Variants in TMEM268 observed in about 807,000 individuals in gnomAD.
TMEM268 encodes the protein transmembrane protein 268.
Under a neutral mutation model 39.1 loss-of-function variants are expected in TMEM268, and 24 were observed. That is an observed-to-expected ratio of 0.61 (90% CI 0.44 to 0.86). TMEM268 has a LOEUF of 0.86. TMEM268 is among the 40% of genes least tolerant of loss of function. The pLI, the probability that TMEM268 is intolerant of heterozygous loss-of-function variation, is 0.00. For synonymous variants in TMEM268, 176 were observed against 173.5 expected, an observed-to-expected ratio of 1.01 and a Z score of -0.12; for missense variants, 409 against 428.6, an observed-to-expected ratio of 0.95 and a Z score of 0.40.
rs1827529125 is a variant in TMEM268 at position 114,645,285 on chromosome 9, T to A, written c.*1972T>A. On this transcript the variant is annotated 3_prime_UTR_variant, in exon 9 of 9. Coordinates refer to ENST00000288502, the MANE Select transcript of TMEM268 (RefSeq NM_153045.4). ...GACTGGCCTACCTAGCAGACCTGGA[T>A]TTTTCTTCCTGATCTGCTGCTTCCA... The A allele has an allele frequency of 6.6e-6, 1 of 152,368 alleles. No individual in the cohort carries two copies. The highest frequency in any genetic ancestry group is 2.1e-4 in the South Asian group (1 of 4,834). 9.4% of individuals were successfully genotyped at this position (152,368 alleles called of 1,614,324 possible). A position where few individuals can be genotyped will look rare whatever the true frequency, so the allele number is the denominator to read the frequency against.
rs137961823 is a variant in TMEM268 at position 114,627,321 on chromosome 9, C to T, written c.324+315C>T. Among the ~76,000 whole-genome samples, 432 of 152,308 alleles carry T rather than the reference C, an allele frequency of 2.8e-3. 3 individuals are homozygous for T. The highest frequency in any genetic ancestry group is 9.8e-3 in the African/African-American group (407 of 41,572). On this transcript the variant is annotated intron_variant, in intron 4 of 8. Coordinates refer to ENST00000288502, the MANE Select transcript of TMEM268 (RefSeq NM_153045.4). ...CCTTGGCCAAGACTTTCCTCCTCTC[C>T]GGAACTTGGTTTCCCCATCTGCTCA...
Position 114,630,279 on chromosome 9 carries a change from T to TCCATCCATCCATCCATCCATCC in TMEM268, c.474+2029_474+2030insCCATCCATCCATCCATCCATCC, listed in dbSNP as rs1554758354. ...ATTTACTGTTCCAACAATATATATC[T>TCCATCCATCCATCCATCCATCC]ATCCATCCATCCATCCATCCATCCA... On this transcript the variant is annotated intron_variant, in intron 5 of 8. Coordinates refer to ENST00000288502, the MANE Select transcript of TMEM268 (RefSeq NM_153045.4). 6.1e-4 allele frequency among the ~76,000 whole-genome samples: 90 copies of TCCATCCATCCATCCATCCATCC among 148,226 alleles called. 1 individual carries two copies. Among genetic ancestry groups the TCCATCCATCCATCCATCCATCC allele is most frequent in the South Asian group, 5.6e-3 (26 of 4,640 alleles).
intron 2 of TMEM268, among the ~76,000 whole-genome samples, chr9:114,623,141 TTTG>T (rs1846016878): frequency 1.3e-5 from 2 of 151,822 alleles, no homozygotes; most frequent in Non-Finnish European, 2.9e-5. Context: ...CAACCACAGA[TTTG>T]TTATTTATTT....
the TMEM268 span, among the ~76,000 whole-genome samples, chr9:114,604,544 C>T: frequency 6.8e-6 from 1 of 146,816 alleles, no homozygotes. Flanking sequence ...CGAGATCGCA[C>T]CACTGCACTC....
chr9:114,622,401 G>C, intron 2 of TMEM268: 1 of 985,352 alleles, frequency 1.0e-6, no homozygotes, highest in South Asian at 4.7e-5. Context: ...CCACCCCCCA[G>C]ACCTCCTGGC....
upstream of TMEM268, among the ~76,000 whole-genome samples, chr9:114,606,875 C>A (rs12345792): frequency 6.7e-6 from 1 of 150,302 alleles, no homozygotes; most frequent in Non-Finnish European, 1.5e-5. Context: ...AAAAAAAAAC[C>A]AAAAAACACC....
intron 8 of TMEM268, among the ~76,000 whole-genome samples, chr9:114,641,303 A>G (rs1037309933): frequency 6.6e-6 from 1 of 152,230 alleles, no homozygotes; most frequent in Non-Finnish European, 1.5e-5. Context: ...AGAGTGGCTG[A>G]GTTGAAACTC....
At chr9:114,632,278 T>A (rs1313399964) in intron 5 of TMEM268, among the ~76,000 whole-genome samples, 1 of 152,112 alleles carries the variant, frequency 6.6e-6, no homozygotes, top group African/African-American at 2.4e-5. Context: ...GGACATGTCT[T>A]TCAGTGGAAG....
chr9:114,609,687 C>CAGAAAAAGAAAAAGAAAAAGAAAA (rs71300692), upstream of TMEM268, among the ~76,000 whole-genome samples: 4 of 100,978 alleles, frequency 4.0e-5, no homozygotes, highest in Admixed American at 1.2e-4. Flanking sequence ...GACCCTGTCT[C>CAGAAAAAGAAAAAGAAAAAGAAAA]AGAAAAAGAA....
At chr9:114,606,873 A>C (rs1349402565), upstream of TMEM268, among the ~76,000 whole-genome samples, 1 of 148,696 alleles carries the variant, frequency 6.7e-6, no homozygotes, top group Non-Finnish European at 1.5e-5. Context: ...AAAAAAAAAA[A>C]CCAAAAAACA....
intron 3 of TMEM268, among the ~76,000 whole-genome samples, chr9:114,626,667 G>A (rs973452486): frequency 2.0e-5 from 3 of 152,220 alleles, no homozygotes; most frequent in African/African-American, 7.2e-5. Flanking sequence ...CCCTGTGTCT[G>A]CTGCAAGGTA....
intron 1 of TMEM268, among the ~76,000 whole-genome samples, chr9:114,612,911 C>T (rs901100338): frequency 6.6e-6 from 1 of 152,226 alleles, no homozygotes; most frequent in African/African-American, 2.4e-5. Flanking sequence ...TAGCACAGGG[C>T]CTGGCCTGAG....
rs35134692 is a variant in TMEM268, at chr9:114,633,840, G to C, written c.547G>C (p.Val183Leu). 735 of 1,606,802 alleles carry C rather than the reference G, an allele frequency of 4.6e-4. 2 individuals are homozygous for C. The African/African-American group carries it at 8.8e-3, about 19-fold the overall frequency. The part of the protein sequence containing the change: ...ALLRHRVLLG[V>L]TDTVEGCQSV... ...CCTGAGACACCGGGTGCTGCTGGGG[G>C]TGACAGACACAGTGGAAGGATGCCA... The change falls in exon 6 of 9, where the codon GTG becomes CTG. Residue 183 changes from valine to leucine, a missense_variant. Val to Leu is a conservative substitution (Grantham distance 32). Coordinates refer to ENST00000288502, the MANE Select transcript of TMEM268 (RefSeq NM_153045.4).
rs755179247 is a variant in TMEM268, at chr9:114,636,999, G to A, written c.595G>A (p.Val199Ile). ...CTGCTTCTCCCCACAGCTTTGGTTT[G>A]TCTACTTCGACCTGGAGAACTGTGT... ...GCQSVIQLWFVYFDLENCVQF... is the reference protein window; with the variant it reads ...GCQSVIQLWFIYFDLENCVQF... The change falls in exon 7 of 9, where the codon GTC (valine) becomes ATC (isoleucine). Residue 199 changes from valine (V) to isoleucine (I), a missense_variant. Coordinates refer to ENST00000288502, the MANE Select transcript of TMEM268 (RefSeq NM_153045.4). 1 of 1,613,144 alleles carries A rather than the reference G, an allele frequency of 6.2e-7. No homozygotes were observed. The highest frequency in any genetic ancestry group is 8.5e-7 in the Non-Finnish European group (1 of 1,179,302).
intron 3 of TMEM268, among the ~76,000 whole-genome samples, chr9:114,625,068 G>T (rs540272137): frequency 1.3e-4 from 20 of 152,326 alleles, no homozygotes; most frequent in South Asian, 1.0e-3. Flanking sequence ...CTGTGGAACT[G>T]GATGCAGATC....
chr9:114,626,971 T>A lies in TMEM268; in HGVS notation c.289T>A (p.Tyr97Asn). The stretch of plus-strand genomic sequence containing the variant: ...GCCCCAAGTGAGAAGATATATCATC[T>A]ACAACTCGAGGCCTATGCGGCTGGC... Reference protein sequence around the residue: ...LEPQVRRYIIYNSRPMRLAFA... With the variant: ...LEPQVRRYIINNSRPMRLAFA... The change falls in exon 4 of 9, where the codon TAC becomes AAC. Residue 97 changes from tyrosine (Y) to asparagine (N), a missense_variant. Coordinates refer to ENST00000288502, the MANE Select transcript of TMEM268 (RefSeq NM_153045.4). The A allele has an allele frequency of 1.9e-6, 3 of 1,613,516 alleles. No individual in the cohort carries two copies. The highest frequency in any genetic ancestry group is 2.5e-6 in the Non-Finnish European group (3 of 1,179,480).
At chr9:114,641,389 C>A (rs1354934545) in intron 8 of TMEM268, among the ~76,000 whole-genome samples, 1 of 152,226 alleles carries the variant, frequency 6.6e-6, no homozygotes, top group African/African-American at 2.4e-5. Flanking sequence ...ACCCACACTT[C>A]ATTTCATTAC....
intron 2 of TMEM268, 42 bp downstream of exon 2, chr9:114,617,343 A>C: frequency 2.6e-5 from 37 of 1,449,976 alleles, no homozygotes; most frequent in Non-Finnish European, 3.4e-5. Context: ...TTTCTACCTC[A>C]TGCTGAACTG....
At chr9:114,623,232 C>T (rs557081685) in intron 2 of TMEM268, among the ~76,000 whole-genome samples, 1 of 152,060 alleles carries the variant, frequency 6.6e-6, no homozygotes, top group African/African-American at 2.4e-5. Flanking sequence ...TTCACTGCAA[C>T]CTCCACCTCC....
Sources: gnomAD v4.1 joint callset for allele counts (sites outside exome capture counted in the v4.1 genomes callset) on GRCh38, gnomAD v4.1.1 for gene constraint, MANE v1.5 for transcripts, NCBI Gene and HGNC (gene_info 2026-07-23, HGNC 2026-07-21) for gene names.